The following CPSF4 variants were observed in gnomAD, a reference collection of about 807,000 sequenced individuals.
The protein encoded by CPSF4 is cleavage and polyadenylation specific factor 4, also known as cleavage and polyadenylation specificity factor subunit 4.
A neutral mutation model predicts 37.7 loss-of-function variants in CPSF4; 11 were observed. The observed-to-expected ratio is 0.29, with a 90% confidence interval of 0.18 to 0.48. The LOEUF is 0.48. Ranked by LOEUF, CPSF4 falls within the 20% of genes least tolerant of loss-of-function variation. The probability of loss-of-function intolerance (pLI) is 0.99; values close to 1 mark genes in which losing one functional copy is unlikely to be tolerated. For synonymous variants in CPSF4, 132 were observed against 135.9 expected, an observed-to-expected ratio of 0.97 and a Z score of 0.20; for missense variants, 144 against 359.5, an observed-to-expected ratio of 0.40 and a Z score of 4.85.
At position 99,439,355 on chromosome 7, in the gene CPSF4, C is replaced by T. The variant is rs114143105; in HGVS notation, c.103+170C>T. ...CTCCTCCCTCTAGGTCTTGAGAGTC[C>T]CTCCCACCTCCTCCGGGTCCTGGGA... is the stretch of plus-strand genomic sequence containing the variant. On this transcript the variant is annotated intron_variant, in intron 1 of 7. Transcript: ENST00000292476. The T allele has an allele frequency of 4.6e-3, 2,447 of 526,862 alleles. 43 individuals carry two copies. Among genetic ancestry groups the T allele is most frequent in the African/African-American group, 0.044 (2,194 of 50,332 alleles). The allele number at this position is 526,862 out of a possible 1,614,324, so 32.6% of individuals were successfully genotyped here. A position where few individuals can be genotyped will look rare whatever the true frequency, so the allele number is the denominator to read the frequency against.
chr7:99,455,304 C>T (rs758990772), intron 7 of CPSF4, among the ~76,000 whole-genome samples: 10 of 152,286 alleles, frequency 6.6e-5, no homozygotes, highest in Admixed American at 2.0e-4. Context: ...TGCCAGATGC[C>T]GTGAGCAGGG....
At chr7:99,455,161 G>A (rs1798218962) in intron 7 of CPSF4, among the ~76,000 whole-genome samples, 1 of 152,206 alleles carries the variant, frequency 6.6e-6, no homozygotes, top group African/African-American at 2.4e-5. Flanking sequence ...TGTGCAGCAA[G>A]CGCCCTTAAG....
In CPSF4 at chr7:99,456,745, C is replaced by A; in HGVS notation, c.*245C>A. On this transcript the variant is annotated 3_prime_UTR_variant, in exon 8 of 8. Coordinates refer to ENST00000292476, the MANE Select transcript of CPSF4 (RefSeq NM_006693.4). ...ATGTTTGGCTGGGCATCGATGCCTC[C>A]TTTCTGGGACTCCCGGCACAACTCC... 1.7e-6 allele frequency: 1 copy of A among 574,430 alleles called. No individual in the cohort carries two copies. 35.6% of individuals were successfully genotyped at this position (574,430 alleles called of 1,614,324 possible). A position where few individuals can be genotyped will look rare whatever the true frequency, so the allele number is the denominator to read the frequency against.
rs556331974 is a variant in CPSF4, at chr7:99,440,180, C to T, written c.103+995C>T. On this transcript the variant is annotated intron_variant, in intron 1 of 7. Transcript: ENST00000292476. ...CCAAGCGGGGGAAGGGACTTGCTGA[C>T]AATCACTCAGTGCATAGCAGAGGCG... Among the ~76,000 whole-genome samples, 32 of 152,304 alleles carry T rather than the reference C, an allele frequency of 2.1e-4. 1 individual carries two copies. The South Asian group carries it at 5.0e-3, about 24-fold the overall frequency.
chr7:99,439,488 A>C, intron 1 of CPSF4: 2 of 310,942 alleles, frequency 6.4e-6, no homozygotes, highest in East Asian at 5.5e-5. Context: ...TGGTTTCAGG[A>C]CTCCTGACTC....
chr7:99,450,349 T>C lies in CPSF4; in HGVS notation c.381T>C (p.Tyr127=), dbSNP rs1400763589. 1.2e-6 allele frequency: 2 copies of C among 1,613,578 alleles called. No homozygotes were observed. Residue 127 remains tyrosine (Y), a synonymous_variant, in exon 4 of 8, where the codon TAT becomes TAC. Coordinates refer to ENST00000292476, the MANE Select transcript of CPSF4 (RefSeq NM_006693.4). ...PESKIKDCPW[Y]DRGFCKHGPL... ...CCAAGATCAAGGACTGTCCTTGGTA[T>C]GACCGTGGCTTCTGCAAGCACGGTA...
intron 2 of CPSF4, among the ~76,000 whole-genome samples, chr7:99,445,573 C>T (rs576294726): frequency 3.3e-5 from 5 of 152,202 alleles, no homozygotes; most frequent in African/African-American, 4.8e-5. Context: ...GTATGTGGGC[C>T]GGGCTAATCC....
chr7:99,451,609 TAAATA>T (rs755135053), intron 5 of CPSF4, among the ~76,000 whole-genome samples: 7 of 152,160 alleles, frequency 4.6e-5, no homozygotes, highest in South Asian at 2.1e-4. Flanking sequence ...CATCTCTAAA[TAAATA>T]AAATAAATAA....
At chr7:99,454,746 C>CT (rs1327779234) in intron 7 of CPSF4, among the ~76,000 whole-genome samples, 2 of 152,192 alleles carry the variant, frequency 1.3e-5, no homozygotes, top group Admixed American at 6.5e-5. Context: ...AAGTTACAAA[C>CT]TAAGTTTTCT....
Position 99,448,439 on chromosome 7 carries a change from T to G in CPSF4, c.307+166T>G. The G allele has an allele frequency of 1.7e-6, 1 of 593,646 alleles. No individual in the cohort carries two copies. 36.8% of individuals were successfully genotyped at this position (593,646 alleles called of 1,614,324 possible). A position where few individuals can be genotyped will look rare whatever the true frequency, so the allele number is the denominator to read the frequency against. On this transcript the variant is annotated intron_variant, in intron 3 of 7. Transcript: ENST00000292476. This position sits in a 1 kb window ranked among gnomAD's most constrained non-coding sequence, Gnocchi z 4.4. ...CTCAGCCAGCTTTTAGGGGACAGTGTGGCTATTTTCTGCTCATCTCTTTTT... is the reference window on the plus strand; with the variant it reads ...CTCAGCCAGCTTTTAGGGGACAGTGGGGCTATTTTCTGCTCATCTCTTTTT...
chr7:99,450,603 C>T lies in CPSF4; in HGVS notation c.404-99C>T, dbSNP rs45457292. On this transcript the variant is annotated intron_variant, in intron 4 of 7. Transcript: ENST00000292476. ...GTGTTGGGAGGTGAGGTCCCTGCCCCGTCTCCCATGAATGGGGGACAGCCA... is the reference window on the plus strand; with the variant it reads ...GTGTTGGGAGGTGAGGTCCCTGCCCTGTCTCCCATGAATGGGGGACAGCCA... The T allele has an allele frequency of 1.1e-3, 1,106 of 1,021,074 alleles. 11 individuals carry two copies. The African/African-American group carries it at 0.015, about 14-fold the overall frequency. 63.3% of individuals were successfully genotyped at this position (1,021,074 alleles called of 1,614,324 possible).
intron 2 of CPSF4, among the ~76,000 whole-genome samples, chr7:99,446,868 C>A (rs1370362252): frequency 7.3e-6 from 1 of 137,310 alleles, no homozygotes; most frequent in Non-Finnish European, 1.5e-5. Flanking sequence ...TGGTTCACTG[C>A]AACTTCTGCC....
intron 1 of CPSF4, among the ~76,000 whole-genome samples, chr7:99,440,781 G>GTGCT (rs886886172): frequency 8.1e-5 from 12 of 147,712 alleles, no homozygotes; most frequent in Non-Finnish European, 1.3e-4. Context: ...AGACAAGATA[G>GTGCT]TGCTTATAAG....
chr7:99,452,049 G>T (rs533035672), intron 5 of CPSF4, among the ~76,000 whole-genome samples: 8 of 152,190 alleles, frequency 5.3e-5, no homozygotes, highest in Non-Finnish European at 8.8e-5. Context: ...CTCCTGTGGC[G>T]CAGCAGGCAC....
intron 1 of CPSF4, chr7:99,442,884 C>A (rs1417352222): frequency 8.4e-7 from 1 of 1,189,754 alleles, no homozygotes; most frequent in Non-Finnish European, 1.3e-6. Flanking sequence ...AACCTTTCAT[C>A]AGGCAATGCC....
At chr7:99,443,859 C>A (rs979638173) in intron 1 of CPSF4, among the ~76,000 whole-genome samples, 2 of 152,058 alleles carry the variant, frequency 1.3e-5, no homozygotes, top group African/African-American at 4.8e-5. Context: ...GCAGAGGTTA[C>A]GGTGAGCCAA....
chr7:99,454,181 T>A, intron 7 of CPSF4, 45 bp downstream of exon 7: 3 of 1,521,936 alleles, frequency 2.0e-6, no homozygotes, highest in Non-Finnish European at 2.7e-6. Flanking sequence ...TCCCTTACCG[T>A]CAGTGGCCAT....
At chr7:99,455,886 C>T (rs539616375) in intron 7 of CPSF4, among the ~76,000 whole-genome samples, 1 of 152,332 alleles carries the variant, frequency 6.6e-6, no homozygotes, top group African/African-American at 2.4e-5. Flanking sequence ...CGAGGGAAAA[C>T]GTTGGGTACA....
At chr7:99,441,629 G>A (rs942271279) in intron 1 of CPSF4, 12 of 422,842 alleles carry the variant, frequency 2.8e-5, no homozygotes, top group Admixed American at 2.0e-4. Context: ...TCCCAGAACT[G>A]TGTATTTCTG....
Sources: gnomAD v4.1 joint callset for allele counts (sites outside exome capture counted in the v4.1 genomes callset) on GRCh38, gnomAD v4.1.1 for gene constraint, Gnocchi (gnomAD v3.1) non-coding constraint, MANE v1.5 for transcripts, NCBI Gene and HGNC (gene_info 2026-07-23, HGNC 2026-07-21) for gene names.